ADAM12: variants seen among roughly 807,000 people sequenced by gnomAD.
ADAM12 encodes disintegrin and metalloproteinase domain-containing protein 12.
A neutral mutation model predicts 106.4 loss-of-function variants in ADAM12; 70 were observed. That is an observed-to-expected ratio of 0.66 (90% confidence interval 0.54 to 0.80). The LOEUF (loss-of-function observed/expected upper bound fraction) is 0.80, where lower values mean the gene tolerates loss of function less well. Among genes scored for constraint, ADAM12 ranks in the 30% least tolerant of loss-of-function variants. The probability of loss-of-function intolerance (pLI) is 0.00; values close to 1 mark genes in which losing one functional copy is unlikely to be tolerated. For synonymous variants in ADAM12, 420 were observed against 433.5 expected, an observed-to-expected ratio of 0.97 and a Z score of 0.39; for missense variants, 1,010 against 1,171.9, an observed-to-expected ratio of 0.86 and a Z score of 2.02.
intron 11 of ADAM12, among the ~76,000 whole-genome samples, chr10:126,073,980 AAAAG>A (rs1043794121): frequency 9.9e-5 from 15 of 152,256 alleles, no homozygotes; most frequent in East Asian, 9.6e-4. Context: ...TCTCTTTGCA[AAAAG>A]AAAGAAAGAA....
chr10:126,095,238 G>A (rs1230255615), intron 10 of ADAM12, among the ~76,000 whole-genome samples: 3 of 152,086 alleles, frequency 2.0e-5, no homozygotes, highest in Non-Finnish European at 4.4e-5. Flanking sequence ...AGGCCTTTAA[G>A]AAGTGATTGG....
rs1957488604 is a variant in ADAM12 at position 126,190,989 on chromosome 10, C to CTTTTTTT, written c.261-35685_261-35684insAAAAAAA. Among the ~76,000 whole-genome samples the CTTTTTTT allele has an allele frequency of 1.5e-3, 103 of 68,728 alleles. 44 individuals carry two copies. Among genetic ancestry groups the CTTTTTTT allele is most frequent in the African/African-American group, 2.8e-3 (73 of 26,306 alleles). 45.1% of individuals were successfully genotyped at this position (68,728 alleles called of 152,430 possible). On this transcript the variant is annotated intron_variant, in intron 3 of 22. Transcript: ENST00000448723. ...TTTGAGTTGCCATGAGGAGTTTTGTCCTTTTTTTTTTTTTTTTTTTTTTTT... is the reference window on the plus strand; with the variant it reads ...TTTGAGTTGCCATGAGGAGTTTTGTCTTTTTTTCTTTTTTTTTTTTTTTTTTTTTTTT...
rs115352219 is a variant in ADAM12 at position 126,370,409 on chromosome 10, G to A, written c.88+17649C>T. On this transcript the variant is annotated intron_variant, in intron 1 of 22. Coordinates refer to ENST00000448723, the MANE Select transcript of ADAM12 (RefSeq NM_001288973.2). ...GTTGAGTCCTGCATTTTATTTGTGA[G>A]AGGAAACAGAAGATAGTATACTTAA... Among the ~76,000 whole-genome samples, 1,439 of 152,274 alleles carry A rather than the reference G, an allele frequency of 9.5e-3. 24 individuals are homozygous for A. Among genetic ancestry groups the A allele is most frequent in the African/African-American group, 0.033 (1,368 of 41,550 alleles).
intron 3 of ADAM12, among the ~76,000 whole-genome samples, chr10:126,268,048 C>A (rs960089766): frequency 8.6e-5 from 13 of 151,630 alleles, no homozygotes; most frequent in Non-Finnish European, 1.0e-4. Flanking sequence ...TTTTGTACAA[C>A]CATCACTGAC....
At chr10:126,377,158 CT>C (rs1856322723) in intron 1 of ADAM12, among the ~76,000 whole-genome samples, 1 of 152,196 alleles carries the variant, frequency 6.6e-6, no homozygotes, top group Non-Finnish European at 1.5e-5. Flanking sequence ...GGTGGCAGAG[CT>C]GATCTGCAAA....
intron 3 of ADAM12, among the ~76,000 whole-genome samples, chr10:126,213,609 A>G (rs1484661791): frequency 6.6e-6 from 1 of 152,238 alleles, no homozygotes; most frequent in Non-Finnish European, 1.5e-5. Context: ...ATTTTGGGGT[A>G]TAAAAATATG....
intron 4 of ADAM12, among the ~76,000 whole-genome samples, chr10:126,143,160 G>GTA (rs558275239): frequency 1.1e-4 from 17 of 150,980 alleles, no homozygotes; most frequent in Non-Finnish European, 2.4e-4. Flanking sequence ...ATATGCACGT[G>GTA]TATATATATG....
At chr10:126,371,149 A>G (rs1387993512) in intron 1 of ADAM12, among the ~76,000 whole-genome samples, 1 of 152,234 alleles carries the variant, frequency 6.6e-6, no homozygotes, top group African/African-American at 2.4e-5. Flanking sequence ...TATCTGGAAG[A>G]AAGAGTGGTC....
At chr10:126,044,617 A>G (rs368210854) in intron 17 of ADAM12, among the ~76,000 whole-genome samples, 8 of 152,228 alleles carry the variant, frequency 5.3e-5, no homozygotes, top group East Asian at 3.8e-4. Context: ...TTCATATTTT[A>G]AGGCAAAATA....
rs544351687 is a variant in ADAM12 at position 126,272,097 on chromosome 10, C to A, written c.260+6818G>T. Among the ~76,000 whole-genome samples the A allele has an allele frequency of 2.0e-5, 3 of 152,334 alleles. No individual in the cohort carries two copies. The South Asian group carries it at 6.2e-4, about 32-fold the overall frequency. On this transcript the variant is annotated intron_variant, in intron 3 of 22. Coordinates refer to ENST00000448723, the MANE Select transcript of ADAM12 (RefSeq NM_001288973.2). The stretch of plus-strand genomic sequence containing the variant: ...AGGCATTGGCCCCATACCTTCCCCT[C>A]CTGAGCACTGAGCAATGCAGTCATC...
intron 1 of ADAM12, among the ~76,000 whole-genome samples, chr10:126,359,506 A>G (rs907345711): frequency 1.3e-5 from 2 of 152,192 alleles, no homozygotes; most frequent in African/African-American, 4.8e-5. Flanking sequence ...CAAAGGGGCT[A>G]CAGGACCCAC....
chr10:126,177,056 A>ACACG (rs1554981930), intron 3 of ADAM12, among the ~76,000 whole-genome samples: 1 of 148,288 alleles, frequency 6.7e-6, no homozygotes, highest in Non-Finnish European at 1.5e-5. Context: ...ACACACACAC[A>ACACG]CGCACACACA....
At chr10:126,244,158 T>C (rs1474665258) in intron 3 of ADAM12, among the ~76,000 whole-genome samples, 1 of 152,204 alleles carries the variant, frequency 6.6e-6, no homozygotes. Context: ...AAACAACTCA[T>C]CAAGTTTCTG....
chr10:126,104,517 A>G (rs1344676964), intron 8 of ADAM12, among the ~76,000 whole-genome samples: 1 of 152,076 alleles, frequency 6.6e-6, no homozygotes, highest in African/African-American at 2.4e-5. Flanking sequence ...TCCTTTCAGA[A>G]GCAGGTCCCT....
intron 6 of ADAM12, among the ~76,000 whole-genome samples, chr10:126,117,596 G>T (rs1956006983): frequency 6.6e-6 from 1 of 151,986 alleles, no homozygotes; most frequent in South Asian, 2.1e-4. Context: ...AATAAGGAAG[G>T]CTCTATGTAG....
In ADAM12 at chr10:126,131,104, C is replaced by CTTTTT. The variant is rs71029289; in HGVS notation, c.416+4475_416+4479dup. ...AGTGTCCCTGGCTCTCAGCTGTCTT[C>CTTTTT]TTTTTTTTTTTTTTTTTTTTTTTTT... On this transcript the variant is annotated intron_variant, in intron 5 of 22. Transcript: ENST00000448723. Among the ~76,000 whole-genome samples the CTTTTT allele has an allele frequency of 1.4e-3, 144 of 100,892 alleles. 5 individuals are homozygous for CTTTTT. Among genetic ancestry groups the CTTTTT allele is most frequent in the African/African-American group, 4.5e-3 (118 of 26,402 alleles). The allele number at this position is 100,892 out of a possible 152,430, so 66.2% of individuals were successfully genotyped here.
intron 2 of ADAM12, among the ~76,000 whole-genome samples, chr10:126,329,953 T>A (rs1854444790): frequency 6.6e-6 from 1 of 152,204 alleles, no homozygotes; most frequent in Non-Finnish European, 1.5e-5. Flanking sequence ...ATATTATTCT[T>A]TTACATCATA....
In ADAM12 at chr10:126,094,141, A is replaced by G. The variant is rs1955514121; in HGVS notation, c.997-8T>C. 6.2e-7 allele frequency: 1 copy of G among 1,613,224 alleles called. No individual in the cohort carries two copies. The highest frequency in any genetic ancestry group is 8.5e-7 in the Non-Finnish European group (1 of 1,179,474). On this transcript the variant is annotated splice_polypyrimidine_tract_variant and splice_region_variant and intron_variant, in intron 10 of 22. Coordinates refer to ENST00000448723, the MANE Select transcript of ADAM12 (RefSeq NM_001288973.2). ...GGGATTGTCTGAATGGTCCTCAAAG[A>G]AAACACAAAAGTACAGGTGTATAAT...
intron 10 of ADAM12, among the ~76,000 whole-genome samples, chr10:126,095,483 A>G (rs957857093): frequency 1.3e-5 from 2 of 149,832 alleles, no homozygotes; most frequent in African/African-American, 4.9e-5. Context: ...GCAGTGAGCC[A>G]AGATCCCACC....
Sources: allele counts gnomAD v4.1 joint callset (sites outside exome capture counted in the v4.1 genomes callset), GRCh38; gene constraint gnomAD v4.1.1; transcripts MANE v1.5; gene names NCBI Gene and HGNC (gene_info 2026-07-23, HGNC 2026-07-21).